The following OTOGL variants were observed in gnomAD, a reference collection of about 807,000 sequenced individuals.
The protein encoded by OTOGL is otogelin like, also known as otogelin-like protein.
Under a neutral mutation model 318.5 loss-of-function variants are expected in OTOGL, and 285 were observed. The ratio of observed to expected loss-of-function variants is 0.89; its 90% CI spans 0.81 to 0.99. The LOEUF (loss-of-function observed/expected upper bound fraction) is 0.99. Ranked by LOEUF, OTOGL falls within the 50% of genes least tolerant of loss-of-function variation. OTOGL has a pLI of 0.00. For synonymous variants in OTOGL, 987 were observed against 936.5 expected, an observed-to-expected ratio of 1.05 and a Z score of -0.99; for missense variants, 2,899 against 2,845.6, an observed-to-expected ratio of 1.02 and a Z score of -0.43.
Position 80,238,848 on chromosome 12 carries a change from T to C in OTOGL, c.818-3T>C. 3 of 1,529,720 alleles carry C rather than the reference T, an allele frequency of 2.0e-6. No individual in the cohort carries two copies. Among genetic ancestry groups the C allele is most frequent in the South Asian group, 1.2e-5 (1 of 82,224 alleles). The allele number at this position is 1,529,720 out of a possible 1,614,324, so 94.8% of individuals were successfully genotyped here. A position where few individuals can be genotyped will look rare whatever the true frequency, so the allele number is the denominator to read the frequency against. On this transcript the variant is annotated splice_polypyrimidine_tract_variant and splice_region_variant and intron_variant, in intron 9 of 58. Coordinates refer to ENST00000547103, the MANE Select transcript of OTOGL (RefSeq NM_001378609.3). ...TGTGTGTGTGTGTGCCTGTGTGAAATAGAGGACTATACAGAAGACATCGCT... is the reference window on the plus strand; with the variant it reads ...TGTGTGTGTGTGTGCCTGTGTGAAACAGAGGACTATACAGAAGACATCGCT...
chr12:80,252,256 A>G, intron 13 of OTOGL, 55 bp downstream of exon 13: 3 of 1,499,074 alleles, frequency 2.0e-6, no homozygotes, highest in Non-Finnish European at 2.7e-6. Context: ...GTACCCAGTG[A>G]TCTAAGGATC....
chr12:80,123,078 C>A (rs1027088835), intron 1 of OTOGL, among the ~76,000 whole-genome samples: 3 of 151,448 alleles, frequency 2.0e-5, no homozygotes, highest in African/African-American at 4.9e-5. Flanking sequence ...TACATGTGCA[C>A]AACGTGCAGA....
intron 1 of OTOGL, among the ~76,000 whole-genome samples, chr12:80,149,735 G>T (rs910012589): frequency 6.6e-6 from 1 of 152,254 alleles, no homozygotes; most frequent in Non-Finnish European, 1.5e-5. Context: ...ATGGGCGTAG[G>T]ACCCTCCAAG....
At chr12:80,323,143 CACACAT>C (rs1272705603) in intron 34 of OTOGL, among the ~76,000 whole-genome samples, 5,671 of 36,722 alleles carry the variant, frequency 0.15, 183 homozygotes, top group East Asian at 0.37. Flanking sequence ...CACACACACA[CACACAT>C]ATATAAAATA....
intron 7 of OTOGL, among the ~76,000 whole-genome samples, chr12:80,226,998 C>T (rs183160018): frequency 2.8e-4 from 43 of 152,078 alleles, no homozygotes; most frequent in Non-Finnish European, 5.6e-4. Context: ...CTTTTAATTC[C>T]CAGAGTTCTG....
rs948851140 is a variant in OTOGL at position 80,325,571 on chromosome 12, G to A, written c.4199+1731G>A. ...TGCTACACCCTGTTGTTTGTCAAGT[G>A]CTGTGAGATCAGAGGGAAGAAAATG... On this transcript the variant is annotated intron_variant, in intron 35 of 58. Transcript: ENST00000547103. Among the ~76,000 whole-genome samples, 15 of 152,192 alleles carry A rather than the reference G, an allele frequency of 9.9e-5. 1 individual carries two copies. Among genetic ancestry groups the A allele is most frequent in the Non-Finnish European group, 7.3e-5 (5 of 68,028 alleles).
chr12:80,325,261 G>T (rs1400388344), intron 35 of OTOGL, among the ~76,000 whole-genome samples: 1 of 152,116 alleles, frequency 6.6e-6, no homozygotes, highest in Non-Finnish European at 1.5e-5. Context: ...CAGCCCCTCT[G>T]TAAGATCCAG....
chr12:80,197,030 AG>A (rs1876119603), intron 1 of OTOGL, among the ~76,000 whole-genome samples: 2 of 152,172 alleles, frequency 1.3e-5, no homozygotes, highest in South Asian at 4.1e-4. Flanking sequence ...TGCTACCTGG[AG>A]GCTTCATTGG....
chr12:80,151,958 A>G (rs1179355234), intron 1 of OTOGL, among the ~76,000 whole-genome samples: 3 of 152,190 alleles, frequency 2.0e-5, no homozygotes, highest in Non-Finnish European at 4.4e-5. Flanking sequence ...ATTTATTTTT[A>G]CCATTATTGT....
intron 33 of OTOGL, 53 bp from the exon 34 acceptor site, chr12:80,320,368 CA>C (rs1376221720): frequency 3.4e-6 from 5 of 1,491,000 alleles, no homozygotes; most frequent in Non-Finnish European, 3.6e-6. Context: ...TTTGTGATGC[CA>C]ATGTTGATGA....
chr12:80,117,033 T>C (rs1344155235), intron 1 of OTOGL, among the ~76,000 whole-genome samples: 1 of 152,158 alleles, frequency 6.6e-6, no homozygotes, highest in Non-Finnish European at 1.5e-5. Flanking sequence ...TCCATTGGCA[T>C]GAAGTCTGTG....
intron 1 of OTOGL, among the ~76,000 whole-genome samples, chr12:80,120,422 T>C (rs1022573601): frequency 2.0e-5 from 3 of 152,098 alleles, no homozygotes; most frequent in African/African-American, 7.2e-5. Flanking sequence ...TACATACCTG[T>C]TGTTATATAA....
chr12:80,222,145 AT>A lies in OTOGL; in HGVS notation c.393del (p.Phe131LeufsTer68). On this transcript the variant is annotated frameshift_variant, in exon 7 of 59. Transcript: ENST00000547103. LOFTEE classifies it high-confidence loss of function. Reference sequence around the variant, plus strand: ...ATTTGTAAAACCTGGGGACAGTATCATTTTGAAACATTCGATGGCATCTACT... The same window carrying A: ...ATTTGTAAAACCTGGGGACAGTATCATTTGAAACATTCGATGGCATCTACT... ...DGICKTWGQY[H>X]FETFDGIYYY... The A allele has an allele frequency of 5.0e-6, 8 of 1,598,304 alleles. No individual in the cohort carries two copies. Among genetic ancestry groups the A allele is most frequent in the Non-Finnish European group, 6.8e-6 (8 of 1,178,754 alleles).
chr12:80,231,999 T>C (rs1354154943), intron 8 of OTOGL, among the ~76,000 whole-genome samples: 1 of 152,140 alleles, frequency 6.6e-6, no homozygotes, highest in East Asian at 1.9e-4. Flanking sequence ...TACTTACTCT[T>C]TTTGGCAGTA....
At chr12:80,287,988 C>T (rs748629006) in intron 26 of OTOGL, among the ~76,000 whole-genome samples, 5 of 152,080 alleles carry the variant, frequency 3.3e-5, no homozygotes, top group South Asian at 2.1e-4. Context: ...GTTTCTTCAT[C>T]GTGTCATTGG....
rs116657968 is a variant in OTOGL at position 80,269,369 on chromosome 12, T to C, written c.2466-733T>C. On this transcript the variant is annotated intron_variant, in intron 22 of 58. Transcript: ENST00000547103. ...TGGCTCTTGCCTTATACTCTGACTT[T>C]AGAATGTAAGTTGCAAGGAAGCTGT... Among the ~76,000 whole-genome samples the C allele has an allele frequency of 6.6e-3, 1,009 of 152,296 alleles. 11 individuals carry two copies. Among genetic ancestry groups the C allele is most frequent in the African/African-American group, 0.023 (960 of 41,570 alleles).
At chr12:80,116,008 G>A (rs760043404) in intron 1 of OTOGL, among the ~76,000 whole-genome samples, 2 of 86,496 alleles carry the variant, frequency 2.3e-5, no homozygotes, top group Non-Finnish European at 4.7e-5. Context: ...GGGATTTGAC[G>A]AGAAGACCAC....
chr12:80,332,972 C>T, intron 37 of OTOGL, 33 bp from the exon 38 acceptor site: 2 of 1,510,840 alleles, frequency 1.3e-6, no homozygotes, highest in Non-Finnish European at 1.8e-6. Flanking sequence ...AAATGCATTC[C>T]ACTAATGAGG....
intron 1 of OTOGL, among the ~76,000 whole-genome samples, chr12:80,206,407 C>T (rs757406404): frequency 2.0e-5 from 3 of 152,190 alleles, no homozygotes; most frequent in Non-Finnish European, 4.4e-5. Context: ...ATTTTTCCTA[C>T]TATGAGCCTG....
Sources: gnomAD v4.1 joint callset for allele counts (sites outside exome capture counted in the v4.1 genomes callset) on GRCh38, gnomAD v4.1.1 for gene constraint, MANE v1.5 for transcripts, NCBI Gene and HGNC (gene_info 2026-07-23, HGNC 2026-07-21) for gene names.